Variants in PKHD1L1 observed in about 807,000 individuals in gnomAD.
PKHD1L1 encodes the protein PKHD1 like 1, also known as fibrocystin-L.
A neutral mutation model predicts 462.9 loss-of-function variants in PKHD1L1; 434 were observed. The observed-to-expected ratio is 0.94, with a 90% CI of 0.87 to 1.02. The LOEUF (loss-of-function observed/expected upper bound fraction) is 1.02, where lower values mean the gene tolerates loss of function less well. Among genes scored for constraint, PKHD1L1 ranks in the 50% least tolerant of loss-of-function variants. The probability of loss-of-function intolerance (pLI) is 0.00; values close to 1 mark genes in which losing one functional copy is unlikely to be tolerated. For synonymous variants in PKHD1L1, 1,781 were observed against 1,750.0 expected (o/e 1.02, Z -0.44); for missense variants, 5,202 against 5,096.1 (o/e 1.02, Z -0.63).
Position 109,464,522 on chromosome 8 carries a change from G to T in PKHD1L1, c.7690G>T (p.Val2564Phe). ...NDDVTPAAFW[V>F]TNPNNTIRHN... is the part of the protein sequence containing the mutation. ...TGATGTGACCCCGGCTGCATTTTGG[G>T]TCACCAACCCGAACAATACCATACG... The change falls in exon 49 of 78, where the codon GTC becomes TTC. Residue 2564 changes from valine to phenylalanine, a missense_variant. Coordinates refer to ENST00000378402, the MANE Select transcript of PKHD1L1 (RefSeq NM_177531.6). The T allele has an allele frequency of 1.2e-6, 2 of 1,613,682 alleles. No individual in the cohort carries two copies. The highest frequency in any genetic ancestry group is 2.7e-5 in the African/African-American group (2 of 74,980).
chr8:109,381,547 TTCA>T, intron 3 of PKHD1L1, 33 bp downstream of exon 3: 1 of 1,451,020 alleles, frequency 6.9e-7, no homozygotes, highest in Non-Finnish European at 9.4e-7. Context: ...TAAAATCATT[TTCA>T]TCATATCAGA....
Position 109,405,053 on chromosome 8 carries a change from A to G in PKHD1L1, c.1592A>G (p.Lys531Arg), listed in dbSNP as rs768301145. The G allele has an allele frequency of 1.3e-6, 2 of 1,534,894 alleles. No homozygotes were observed. The highest frequency in any genetic ancestry group is 2.5e-5 in the East Asian group (1 of 40,804). Reference sequence around the variant, plus strand: ...GCAATTAATGAGGTTCAGAAGATCAAGGTAACCAGCCCATGTGTGGAAGCT... The same window carrying G: ...GCAATTAATGAGGTTCAGAAGATCAGGGTAACCAGCCCATGTGTGGAAGCT... Reference protein sequence around the residue: ...TNAINEVQKIKVTSPCVEANS... With the variant: ...TNAINEVQKIRVTSPCVEANS... The change falls in exon 16 of 78, where the codon AAG becomes AGG. Residue 531 changes from lysine to arginine, a missense_variant. Around this residue, in one of 3 missense-constraint regions of PKHD1L1, gnomAD observed 4,497 missense variants for 4,336.8 expected, o/e 1.04. Transcript: ENST00000378402.
chr8:109,380,996 G>A (rs117199622), intron 2 of PKHD1L1, among the ~76,000 whole-genome samples: 3,784 of 152,180 alleles, frequency 0.025, 77 homozygotes, highest in Middle Eastern at 0.051. Context: ...TGTCATCCAC[G>A]AATCTAACCA....
intron 34 of PKHD1L1, 68 bp from the exon 35 acceptor site, chr8:109,441,939 T>A: frequency 3.7e-6 from 5 of 1,342,958 alleles, no homozygotes; most frequent in Non-Finnish European, 4.9e-6. Flanking sequence ...TAAATTGCCA[T>A]GTTGTCAAAG....
chr8:109,477,289 A>G lies in PKHD1L1; in HGVS notation c.8982A>G (p.Lys2994=), dbSNP rs753623672. ...LISGNLDPDV[K]DVVINFQAYC... ...CTGGGAACCTGGATCCTGATGTGAAAGACGTTGTTATTAATTTCCAAGCTT... is the reference window on the plus strand; with the variant it reads ...CTGGGAACCTGGATCCTGATGTGAAGGACGTTGTTATTAATTTCCAAGCTT... The change falls in exon 53 of 78, where the codon AAA becomes AAG. Residue 2994 remains lysine (K), a synonymous_variant. Transcript: ENST00000378402. 32 of 1,613,580 alleles carry G rather than the reference A, an allele frequency of 2.0e-5. No homozygotes were observed. In the South Asian group the frequency reaches 3.5e-4, roughly 18 times the overall value.
At chr8:109,464,150 A>T in intron 48 of PKHD1L1, 66 bp from the exon 49 acceptor site, 1 of 1,118,966 alleles carries the variant, frequency 8.9e-7, no homozygotes, top group Non-Finnish European at 1.2e-6. Context: ...ATATTTTTTG[A>T]AACAAGAAAA....
intron 2 of PKHD1L1, among the ~76,000 whole-genome samples, chr8:109,374,644 G>T (rs1027933390): frequency 6.6e-6 from 1 of 152,318 alleles, no homozygotes; most frequent in Admixed American, 6.5e-5. Context: ...GGTATTGGTT[G>T]TTCCTTTCCA....
rs116713685 is a variant in PKHD1L1 at position 109,515,136 on chromosome 8, T to C, written c.11554-34T>C. The C allele has an allele frequency of 1.3e-3, 1,806 of 1,438,148 alleles. 20 individuals carry two copies. In the African/African-American group the frequency reaches 0.023, roughly 19 times the overall value. 89.1% of individuals were successfully genotyped at this position (1,438,148 alleles called of 1,614,324 possible). On this transcript the variant is annotated intron_variant, in intron 71 of 77. Transcript: ENST00000378402. ...GTGCTAAATTACAAATATTCTATTT[T>C]GTTGCTTTCTTAAAACTTTTTTTTC...
Position 109,530,112 on chromosome 8 carries a change from C to T in PKHD1L1, c.*22C>T. 1 of 1,317,074 alleles carries T rather than the reference C, an allele frequency of 7.6e-7. No homozygotes were observed. Among genetic ancestry groups the T allele is most frequent in the Non-Finnish European group, 9.9e-7 (1 of 1,014,188 alleles). 81.6% of individuals were successfully genotyped at this position (1,317,074 alleles called of 1,614,324 possible). ...CTAAAGTGCTGTTCCGAAGAATAGG[C>T]TGAAACAAAAATATAAGAATTATTA... On this transcript the variant is annotated 3_prime_UTR_variant, in exon 78 of 78. Transcript: ENST00000378402.
intron 14 of PKHD1L1, among the ~76,000 whole-genome samples, chr8:109,403,563 T>G (rs951344443): frequency 5.3e-5 from 8 of 152,114 alleles, no homozygotes; most frequent in African/African-American, 1.9e-4. Context: ...ATGCAAAATT[T>G]TAATGGTTCT....
chr8:109,491,040 T>C lies in PKHD1L1; in HGVS notation c.10053T>C (p.Gly3351=), dbSNP rs1365302447. The C allele has an allele frequency of 1.9e-6, 3 of 1,610,146 alleles. No individual in the cohort carries two copies. In the African/African-American group the frequency reaches 4.0e-5, roughly 22 times the overall value. The change falls in exon 61 of 78, where the codon GGT becomes GGC. Residue 3351 remains glycine (G), a synonymous_variant. Coordinates refer to ENST00000378402, the MANE Select transcript of PKHD1L1 (RefSeq NM_177531.6). The part of the protein sequence containing the change: ...AFHHGFSPAI[G]VFGTDGLDID... ...ACCATGGCTTCTCTCCAGCAATTGG[T>C]GTATTTGGGACAGATGGATTGGACA...
At position 109,526,760 on chromosome 8, in the gene PKHD1L1, C is replaced by T. The variant is rs759690697; in HGVS notation, c.12485-24C>T. The T allele has an allele frequency of 1.8e-5, 28 of 1,520,094 alleles. No individual in the cohort carries two copies. The South Asian group carries it at 3.3e-4, about 18-fold the overall frequency. The allele number at this position is 1,520,094 out of a possible 1,614,324, so 94.2% of individuals were successfully genotyped here. Reference sequence around the variant, plus strand: ...CAAGTAAAACATAAAGGAAATCAAACACTATGATGCTTTTTTTTTCCAGGA... The same window carrying T: ...CAAGTAAAACATAAAGGAAATCAAATACTATGATGCTTTTTTTTTCCAGGA... On this transcript the variant is annotated intron_variant, in intron 76 of 77. Coordinates refer to ENST00000378402, the MANE Select transcript of PKHD1L1 (RefSeq NM_177531.6).
chr8:109,417,518 G>C (rs961420038), intron 21 of PKHD1L1, among the ~76,000 whole-genome samples: 1 of 91,128 alleles, frequency 1.1e-5, no homozygotes, highest in Non-Finnish European at 2.2e-5. Flanking sequence ...TACCAGTCAA[G>C]ACAAAATTTA....
intron 9 of PKHD1L1, among the ~76,000 whole-genome samples, chr8:109,392,511 T>C (rs1347903070): frequency 6.6e-6 from 1 of 152,022 alleles, no homozygotes; most frequent in Non-Finnish European, 1.5e-5. Context: ...CATTTTTTTT[T>C]AAAGCCAACA....
At chr8:109,383,419 T>C (rs1415733397) in intron 4 of PKHD1L1, among the ~76,000 whole-genome samples, 6 of 120,942 alleles carry the variant, frequency 5.0e-5, no homozygotes, top group African/African-American at 9.6e-5. Flanking sequence ...TTATATATTA[T>C]ATATAATATA....
intron 61 of PKHD1L1, 30 bp from the exon 62 acceptor site, chr8:109,491,843 T>G: frequency 1.3e-6 from 2 of 1,525,126 alleles, no homozygotes; most frequent in East Asian, 2.3e-5. Context: ...TTTTTGGGGA[T>G]TTTCTTTCTT....
intron 6 of PKHD1L1, among the ~76,000 whole-genome samples, chr8:109,387,361 G>A (rs142091301): frequency 4.6e-5 from 7 of 152,150 alleles, no homozygotes; most frequent in Non-Finnish European, 7.4e-5. Context: ...CTCTAGATAC[G>A]CATACCCAGA....
At chr8:109,398,569 A>G in intron 12 of PKHD1L1, 21 bp downstream of exon 12, 1 of 1,247,650 alleles carries the variant, frequency 8.0e-7, no homozygotes, top group Non-Finnish European at 1.1e-6. Flanking sequence ...ATAAGGGACA[A>G]TGGCCATTTC....
intron 77 of PKHD1L1, among the ~76,000 whole-genome samples, chr8:109,527,940 C>T (rs1356209298): frequency 6.6e-6 from 1 of 152,144 alleles, no homozygotes; most frequent in East Asian, 1.9e-4. Flanking sequence ...ATCACTGTGG[C>T]CACAGCATTC....
Sources: gnomAD v4.1 joint callset for allele counts (sites outside exome capture counted in the v4.1 genomes callset) on GRCh38, gnomAD v4.1.1 for gene constraint, gnomAD v4.1.1 regional missense constraint, MANE v1.5 for transcripts, NCBI Gene and HGNC (gene_info 2026-07-23, HGNC 2026-07-21) for gene names.